Variants in MRPS27 observed in about 807,000 individuals in gnomAD.
MRPS27 encodes the protein mitochondrial ribosomal protein S27.
A neutral mutation model predicts 48.9 loss-of-function variants in MRPS27; 43 were observed. The observed-to-expected ratio is 0.88, with a 90% CI of 0.69 to 1.13. MRPS27 has a LOEUF of 1.13. MRPS27 is among the 50% of genes most tolerant of loss of function. MRPS27 has a pLI of 0.00. For synonymous variants in MRPS27, 188 were observed against 171.9 expected, an observed-to-expected ratio of 1.09 and a Z score of -0.73; for missense variants, 467 against 476.3, an observed-to-expected ratio of 0.98 and a Z score of 0.18.
intron 4 of MRPS27, among the ~76,000 whole-genome samples, chr5:72,255,660 C>A (rs1332873513): frequency 6.6e-6 from 1 of 152,152 alleles, no homozygotes; most frequent in Non-Finnish European, 1.5e-5. Flanking sequence ...ATTTACTTAT[C>A]GAAACAACCC....
intron 2 of MRPS27, 53 bp downstream of exon 2, chr5:72,314,028 A>C: frequency 8.2e-7 from 1 of 1,224,088 alleles, no homozygotes; most frequent in Non-Finnish European, 1.2e-6. Context: ...AAATGATGGA[A>C]GACATACAGA....
rs77320682 is a variant in MRPS27 at position 72,300,144 on chromosome 5, A to G, written c.152-2442T>C. Reference sequence around the variant, plus strand: ...AACTGACACCAATAACCACTGCCACATTGTTAAAATCCAGTGGTTAATTTT... The same window carrying G: ...AACTGACACCAATAACCACTGCCACGTTGTTAAAATCCAGTGGTTAATTTT... On this transcript the variant is annotated intron_variant, in intron 2 of 10. Coordinates refer to ENST00000261413, the MANE Select transcript of MRPS27 (RefSeq NM_015084.3). Among the ~76,000 whole-genome samples the G allele has an allele frequency of 6.4e-3, 972 of 152,346 alleles. 12 individuals carry two copies. Among genetic ancestry groups the G allele is most frequent in the African/African-American group, 0.022 (924 of 41,588 alleles).
chr5:72,242,988 T>A (rs573516105), intron 4 of MRPS27, among the ~76,000 whole-genome samples: 1 of 152,278 alleles, frequency 6.6e-6, no homozygotes, highest in African/African-American at 2.4e-5. Flanking sequence ...ACAATGTTTA[T>A]CCGATTCCGA....
chr5:72,234,869 C>T (rs1748160248), intron 5 of MRPS27, among the ~76,000 whole-genome samples: 1 of 152,082 alleles, frequency 6.6e-6, no homozygotes, highest in Non-Finnish European at 1.5e-5. Flanking sequence ...TTGTGATTTT[C>T]ATGCATACTC....
chr5:72,303,619 A>G (rs1216570818), intron 2 of MRPS27, among the ~76,000 whole-genome samples: 2 of 152,170 alleles, frequency 1.3e-5, no homozygotes, highest in African/African-American at 4.8e-5. Context: ...GAAATTACAA[A>G]GAAAGAAACA....
chr5:72,296,157 C>T (rs775773075), intron 3 of MRPS27, among the ~76,000 whole-genome samples: 2 of 151,960 alleles, frequency 1.3e-5, no homozygotes, highest in Non-Finnish European at 2.9e-5. Flanking sequence ...TGCTCATTAA[C>T]TATGGTCCAA....
chr5:72,285,578 T>C (rs1355506159), intron 4 of MRPS27, among the ~76,000 whole-genome samples: 2 of 152,180 alleles, frequency 1.3e-5, no homozygotes, highest in East Asian at 1.9e-4. Flanking sequence ...TCATAGCTCA[T>C]TGTAGCCTTG....
At chr5:72,243,964 A>C (rs1748434849) in intron 4 of MRPS27, among the ~76,000 whole-genome samples, 1 of 152,188 alleles carries the variant, frequency 6.6e-6, no homozygotes, top group Admixed American at 6.5e-5. Context: ...AGCAAATTTT[A>C]TATAGGTAAC....
intron 4 of MRPS27, among the ~76,000 whole-genome samples, chr5:72,284,860 T>G (rs1749630463): frequency 6.6e-6 from 1 of 152,218 alleles, no homozygotes; most frequent in Admixed American, 6.5e-5. Flanking sequence ...CACTGCACAG[T>G]ATTCCACTGT....
intron 4 of MRPS27, among the ~76,000 whole-genome samples, chr5:72,290,186 C>T (rs1749783034): frequency 6.6e-6 from 1 of 152,148 alleles, no homozygotes; most frequent in South Asian, 2.1e-4. Context: ...ATACATTGGG[C>T]ATGTGGACTT....
chr5:72,219,900 C>T lies in MRPS27; in HGVS notation c.*1009G>A, dbSNP rs914542548. The T allele has an allele frequency of 8.5e-5, 13 of 152,584 alleles. No homozygotes were observed. The highest frequency in any genetic ancestry group is 2.1e-4 in the South Asian group (1 of 4,834). 9.5% of individuals were successfully genotyped at this position (152,584 alleles called of 1,614,324 possible). ...TTGGAAAAAAAATGTTACCCCAACA[C>T]GATGGAGAAGCCAATCCAAAAAAGC... On this transcript the variant is annotated 3_prime_UTR_variant, in exon 11 of 11. Transcript: ENST00000261413.
At chr5:72,311,282 A>T (rs1750435094) in intron 2 of MRPS27, among the ~76,000 whole-genome samples, 2 of 152,238 alleles carry the variant, frequency 1.3e-5, no homozygotes, top group African/African-American at 4.8e-5. Flanking sequence ...GAGCTATAAT[A>T]TATGAAACAA....
At chr5:72,317,898 C>A (rs1399750658) in intron 1 of MRPS27, among the ~76,000 whole-genome samples, 1 of 152,182 alleles carries the variant, frequency 6.6e-6, no homozygotes, top group East Asian at 1.9e-4. Context: ...AAATAACCCA[C>A]AAACATCCTC....
At chr5:72,256,937 G>A (rs907967953) in intron 4 of MRPS27, among the ~76,000 whole-genome samples, 3 of 152,136 alleles carry the variant, frequency 2.0e-5, no homozygotes, top group African/African-American at 4.8e-5. Context: ...AGAACTAGAC[G>A]TGCCATTCTT....
chr5:72,307,365 TAAG>T (rs1018688547), intron 2 of MRPS27, among the ~76,000 whole-genome samples: 1 of 151,532 alleles, frequency 6.6e-6, no homozygotes, highest in African/African-American at 2.4e-5. Context: ...TAAAATAAAA[TAAG>T]AAAGAGAGTA....
chr5:72,295,490 G>C, intron 4 of MRPS27, 41 bp downstream of exon 4: 8 of 1,472,074 alleles, frequency 5.4e-6, no homozygotes, highest in Non-Finnish European at 7.5e-6. Context: ...AAAGGGGTGT[G>C]AAATCACAGA....
At chr5:72,291,046 G>C (rs1435541421) in intron 4 of MRPS27, among the ~76,000 whole-genome samples, 1 of 152,150 alleles carries the variant, frequency 6.6e-6, no homozygotes, top group Non-Finnish European at 1.5e-5. Flanking sequence ...TAGCATCTCA[G>C]GGCCTGTCCA....
chr5:72,312,832 T>C (rs1429781253), intron 2 of MRPS27, among the ~76,000 whole-genome samples: 1 of 151,984 alleles, frequency 6.6e-6, no homozygotes, highest in African/African-American at 2.4e-5. Context: ...CTTGGCCAGG[T>C]TGGTCTCAAA....
chr5:72,247,229 G>T (rs1748532661), intron 4 of MRPS27, among the ~76,000 whole-genome samples: 1 of 152,138 alleles, frequency 6.6e-6, no homozygotes, highest in African/African-American at 2.4e-5. Flanking sequence ...TAAAAACACA[G>T]CTTACGGGCC....
Sources: allele counts gnomAD v4.1 joint callset (sites outside exome capture counted in the v4.1 genomes callset), GRCh38; gene constraint gnomAD v4.1.1; transcripts MANE v1.5; gene names NCBI Gene and HGNC (gene_info 2026-07-23, HGNC 2026-07-21).